ERC2: variants seen among roughly 807,000 people sequenced by gnomAD.
The protein encoded by ERC2 is ELKS/RAB6-interacting/CAST family member 2.
Under a neutral mutation model 114.8 loss-of-function variants are expected in ERC2, and 42 were observed. The ratio of observed to expected loss-of-function variants is 0.37; its 90% CI spans 0.29 to 0.47. The LOEUF (loss-of-function observed/expected upper bound fraction) is 0.47. ERC2 is among the 20% of genes least tolerant of loss of function. The pLI is 0.99. For missense variants in ERC2, 939 were observed against 1,150.7 expected, an observed-to-expected ratio of 0.82 and a Z score of 2.66; for synonymous variants, 454 against 425.5, an observed-to-expected ratio of 1.07 and a Z score of -0.82.
At chr3:56,153,426 G>A (rs997993679) in intron 4 of ERC2, among the ~76,000 whole-genome samples, 6 of 152,084 alleles carry the variant, frequency 3.9e-5, no homozygotes, top group African/African-American at 1.2e-4. Flanking sequence ...CGGGTGATTC[G>A]GGTGTTCTAA....
chr3:56,107,495 T>C lies in ERC2; in HGVS notation c.1474-26511A>G, dbSNP rs572980870. 1.0e-3 allele frequency among the ~76,000 whole-genome samples: 155 copies of C among 152,216 alleles called. 1 individual carries two copies. Among genetic ancestry groups the C allele is most frequent in the Non-Finnish European group, 1.7e-3 (118 of 68,012 alleles). On this transcript the variant is annotated intron_variant, in intron 6 of 17. Coordinates refer to ENST00000288221, the MANE Select transcript of ERC2 (RefSeq NM_015576.3). ...TACTCTGGTCAAGCCACTCACCCAG[T>C]CTCTGCTTCAGTTTCCTCATCTGAA...
intron 3 of ERC2, among the ~76,000 whole-genome samples, chr3:56,182,943 C>T (rs2083364635): frequency 6.6e-6 from 1 of 152,026 alleles, no homozygotes; most frequent in Non-Finnish European, 1.5e-5. Flanking sequence ...ATGGTTGGCA[C>T]ACAGAAGAAG....
At chr3:56,196,025 C>A (rs1412239293) in intron 3 of ERC2, among the ~76,000 whole-genome samples, 1 of 152,112 alleles carries the variant, frequency 6.6e-6, no homozygotes, top group African/African-American at 2.4e-5. Context: ...TGTTTAGAAA[C>A]ACCAAAGCAC....
chr3:56,070,466 TTTA>T lies in ERC2; in HGVS notation c.1641+10348_1641+10350del, dbSNP rs1185890719. Among the ~76,000 whole-genome samples, 287 of 119,426 alleles carry T rather than the reference TTTA, an allele frequency of 2.4e-3. 1 individual carries two copies. Among genetic ancestry groups the T allele is most frequent in the African/African-American group, 7.9e-3 (238 of 30,058 alleles). 78.3% of individuals were successfully genotyped at this position (119,426 alleles called of 152,430 possible). On this transcript the variant is annotated intron_variant, in intron 7 of 17. Coordinates refer to ENST00000288221, the MANE Select transcript of ERC2 (RefSeq NM_015576.3). ...TGCAAGTAATTATAAACAAACCTTT[TTTA>T]AAAAAAAAAAAATCCATCATAGTGA...
chr3:55,628,700 A>T (rs776338452), intron 17 of ERC2, among the ~76,000 whole-genome samples: 1 of 151,968 alleles, frequency 6.6e-6, no homozygotes, highest in Non-Finnish European at 1.5e-5. Flanking sequence ...TTGAAAAAAG[A>T]AGATGAAAAG....
At chr3:56,351,215 A>G (rs141768625) in intron 2 of ERC2, among the ~76,000 whole-genome samples, 189 of 152,298 alleles carry the variant, frequency 1.2e-3, no homozygotes, top group African/African-American at 4.2e-3. Flanking sequence ...AAGAAAAAAA[A>G]CTTTCCCAGT....
At chr3:55,545,042 T>G (rs1377436825) in intron 17 of ERC2, among the ~76,000 whole-genome samples, 1 of 152,210 alleles carries the variant, frequency 6.6e-6, no homozygotes, top group African/African-American at 2.4e-5. Context: ...TGCACCTTCA[T>G]CTGTATTGTC....
At chr3:55,717,692 G>A (rs1210424365) in intron 15 of ERC2, among the ~76,000 whole-genome samples, 1 of 152,120 alleles carries the variant, frequency 6.6e-6, no homozygotes, top group Non-Finnish European at 1.5e-5. Context: ...GAGAACAATC[G>A]TTTGACTGGA....
chr3:56,268,587 A>C (rs554552683), intron 3 of ERC2, among the ~76,000 whole-genome samples: 1 of 152,352 alleles, frequency 6.6e-6, no homozygotes, highest in South Asian at 2.1e-4. Flanking sequence ...AATAATACAG[A>C]ATTTATATTT....
At chr3:55,885,316 A>G (rs1015940952) in intron 14 of ERC2, among the ~76,000 whole-genome samples, 2 of 152,228 alleles carry the variant, frequency 1.3e-5, no homozygotes, top group African/African-American at 4.8e-5. Context: ...CTGTGACTGA[A>G]CAAACCAGTG....
At chr3:56,456,071 T>C (rs1004860251) in intron 1 of ERC2, among the ~76,000 whole-genome samples, 1 of 152,230 alleles carries the variant, frequency 6.6e-6, no homozygotes, top group Admixed American at 6.5e-5. Flanking sequence ...TGCGTATCCC[T>C]TTCTCTCTTT....
chr3:56,191,000 G>A (rs1453718103), intron 3 of ERC2, among the ~76,000 whole-genome samples: 1 of 152,190 alleles, frequency 6.6e-6, no homozygotes, highest in Non-Finnish European at 1.5e-5. Flanking sequence ...GCTAGAAAAA[G>A]GGTGTGTATC....
At chr3:55,664,735 G>A (rs1284359758) in intron 17 of ERC2, among the ~76,000 whole-genome samples, 5 of 152,178 alleles carry the variant, frequency 3.3e-5, no homozygotes, top group Admixed American at 1.3e-4. Flanking sequence ...AGGCGAGGTT[G>A]TGGGGAAACC....
At chr3:56,292,861 C>T (rs1052184577) in intron 3 of ERC2, among the ~76,000 whole-genome samples, 16 of 152,092 alleles carry the variant, frequency 1.1e-4, no homozygotes, top group African/African-American at 3.6e-4. Context: ...ATACTGTCAC[C>T]CCCTCCAAGA....
intron 17 of ERC2, among the ~76,000 whole-genome samples, chr3:55,532,766 C>T (rs2053750705): frequency 6.6e-6 from 1 of 152,202 alleles, no homozygotes; most frequent in African/African-American, 2.4e-5. Flanking sequence ...AAGGTACTAT[C>T]AGGCTCCTTC....
chr3:55,835,428 G>C (rs2060829291), intron 14 of ERC2, among the ~76,000 whole-genome samples: 1 of 152,110 alleles, frequency 6.6e-6, no homozygotes, highest in Non-Finnish European at 1.5e-5. Context: ...TTCATTCCTG[G>C]GATGCAAGGC....
chr3:56,137,767 A>T (rs550337210), intron 6 of ERC2, among the ~76,000 whole-genome samples: 1 of 152,256 alleles, frequency 6.6e-6, no homozygotes, highest in Non-Finnish European at 1.5e-5. Context: ...GCTGTCTAAT[A>T]CAGCAGCCAC....
At chr3:56,031,402 G>C (rs1189009267) in intron 7 of ERC2, among the ~76,000 whole-genome samples, 1 of 152,200 alleles carries the variant, frequency 6.6e-6, no homozygotes, top group Non-Finnish European at 1.5e-5. Context: ...CATGCAACCA[G>C]GTACCAGGCC....
intron 1 of ERC2, among the ~76,000 whole-genome samples, chr3:56,446,622 T>TG (rs1432718005): frequency 5.3e-5 from 6 of 112,262 alleles, no homozygotes; most frequent in Non-Finnish European, 9.2e-5. Context: ...TTTTTTTTTT[T>TG]TTCTTTCTTT....
Sources: allele counts gnomAD v4.1 joint callset (sites outside exome capture counted in the v4.1 genomes callset), GRCh38; gene constraint gnomAD v4.1.1; transcripts MANE v1.5; gene names NCBI Gene and HGNC (gene_info 2026-07-23, HGNC 2026-07-21).